Variants in GEMIN4 observed in about 807,000 individuals in gnomAD.
The protein encoded by GEMIN4 is gem-associated protein 4.
Under a neutral mutation model 76.8 loss-of-function variants are expected in GEMIN4, and 59 were observed. That is an observed-to-expected ratio of 0.77 (90% CI 0.62 to 0.95). The LOEUF (loss-of-function observed/expected upper bound fraction) is 0.95. Among genes scored for constraint, GEMIN4 ranks in the 40% least tolerant of loss-of-function variants. The probability of loss-of-function intolerance (pLI) is 0.00; values close to 1 mark genes in which losing one functional copy is unlikely to be tolerated. For missense variants in GEMIN4, 1,311 were observed against 1,318.9 expected (o/e 0.99, Z 0.09); for synonymous variants, 562 against 559.7 (o/e 1.00, Z -0.06).
rs749876277 is a variant in GEMIN4, at chr17:745,171, G to A, written c.2872C>T (p.Gln958Ter). The A allele has an allele frequency of 5.0e-6, 8 of 1,605,850 alleles. No homozygotes were observed. The Admixed American group carries it at 1.2e-4, about 24-fold the overall frequency. ...TRLLDSVRAI[Q>*]AAGPWVQGPE... is the part of the protein sequence containing the mutation. ...CCTTGAACCCAAGGGCCAGCTGCCT[G>A]TATCGCCCTGACTGAGTCCAGGAGG... The change falls in exon 2 of 2, where the codon CAG (glutamine) becomes TAG (stop). Residue 958 changes from glutamine to a stop codon, truncating the protein, a stop_gained. Transcript: ENST00000319004. LOFTEE classifies it high-confidence loss of function. The surrounding 1 kb of genome is among the most constrained non-coding windows in gnomAD (Gnocchi z 4.6).
chr17:744,799 C>G lies in GEMIN4; in HGVS notation c.*67G>C, dbSNP rs570053573. 2.7e-6 allele frequency: 4 copies of G among 1,507,330 alleles called. No individual in the cohort carries two copies. The highest frequency in any genetic ancestry group is 4.1e-5 in the Admixed American group (2 of 48,254). 93.4% of individuals were successfully genotyped at this position (1,507,330 alleles called of 1,614,324 possible). A position where few individuals can be genotyped will look rare whatever the true frequency, so the allele number is the denominator to read the frequency against. On this transcript the variant is annotated 3_prime_UTR_variant, in exon 2 of 2. Transcript: ENST00000319004. ...TGTTGAAGCCCAGCTTTTTCGCTCC[C>G]GCACAGGTAAGAAGCTGCTGATCTT... is the stretch of plus-strand genomic sequence containing the variant.
At chr17:752,659 G>T, upstream of GEMIN4, 1 of 1,010,910 alleles carries the variant, frequency 9.9e-7, no homozygotes, top group Non-Finnish European at 1.2e-6. Flanking sequence ...CCTCCAGACA[G>T]CAGCGTTCCG....
chr17:747,026 CT>C lies in GEMIN4; in HGVS notation c.1016del (p.Gln339ArgfsTer14), dbSNP rs1377743990. The C allele has an allele frequency of 1.2e-6, 2 of 1,613,296 alleles. No individual in the cohort carries two copies. Among genetic ancestry groups the C allele is most frequent in the African/African-American group, 1.3e-5 (1 of 74,892 alleles). The part of the protein sequence containing the change: ...EELQAVLRSS[Q>X]GTSYDSYRLC... ...GCCGGTAGCTGTCGTAACTTGTCCC[CT>C]GGCTGCTGCGGAGCACGGCCTGCAA... On this transcript the variant is annotated frameshift_variant, in exon 2 of 2. Transcript: ENST00000319004. LOFTEE classifies it high-confidence loss of function.
upstream of GEMIN4, chr17:752,586 C>A (rs1555600283): frequency 2.3e-6 from 2 of 868,066 alleles, no homozygotes; most frequent in South Asian, 5.3e-5. Context: ...CGCGAGGCTT[C>A]CACTCCCACC....
chr17:753,994 G>A (rs992486277), upstream of GEMIN4: 1 of 152,252 alleles, frequency 6.6e-6, no homozygotes, highest in Non-Finnish European at 1.5e-5. Flanking sequence ...AGCTTTCCGT[G>A]ATGATAATGT....
At chr17:751,270 A>G (rs1597564938) in intron 1 of GEMIN4, among the ~76,000 whole-genome samples, 1 of 152,318 alleles carries the variant, frequency 6.6e-6, no homozygotes, top group Non-Finnish European at 1.5e-5. Flanking sequence ...TGAGGCGCAG[A>G]AACGATTTGC....
At position 746,940 on chromosome 17, in the gene GEMIN4, A is replaced by T. The variant is rs1348931614; in HGVS notation, c.1103T>A (p.Leu368Gln). ...NATLYLNRTS[L>Q]SKEDRQVVSE... Reference sequence around the variant, plus strand: ...GACCACCTGCCTGTCCTCCTTGGACAGGCTGGTGCGGTTCAGGTAGAGCGT... The same window carrying T: ...GACCACCTGCCTGTCCTCCTTGGACTGGCTGGTGCGGTTCAGGTAGAGCGT... The change falls in exon 2 of 2, where the codon CTG (leucine) becomes CAG (glutamine). Residue 368 changes from leucine (L) to glutamine (Q), a missense_variant. Physicochemically the swap from Leu to Gln is moderately radical, Grantham distance 113. Around this residue, in one of 2 missense-constraint regions of GEMIN4, gnomAD observed 1,208 missense variants for 1,166.9 expected, o/e 1.04. Transcript: ENST00000319004. This position sits in a 1 kb window ranked among gnomAD's most constrained non-coding sequence, Gnocchi z 4.3. 1 of 1,613,630 alleles carries T rather than the reference A, an allele frequency of 6.2e-7. No individual in the cohort carries two copies. The highest frequency in any genetic ancestry group is 8.5e-7 in the Non-Finnish European group (1 of 1,179,846).
In GEMIN4 at chr17:745,935, T is replaced by A; in HGVS notation, c.2108A>T (p.Gln703Leu). ...GTATTTGCTGAAGCGGTCCAAGAGC[T>A]GGCACAAGCTGAAGAGGAGTGGAAA... ...SPFPLLFSLCQLLDRFSKYWQ... is the reference protein window; with the variant it reads ...SPFPLLFSLCLLLDRFSKYWQ... Residue 703 changes from glutamine to leucine, a missense_variant, in exon 2 of 2, where the codon CAG (glutamine) becomes CTG (leucine). This residue lies in a region of GEMIN4 where 1,208 missense variants were observed against 1,166.9 expected (regional missense o/e 1.04). Transcript: ENST00000319004. The surrounding 1 kb of genome is among the most constrained non-coding windows in gnomAD (Gnocchi z 4.6). 6.2e-7 allele frequency: 1 copy of A among 1,613,104 alleles called. No individual in the cohort carries two copies. Among genetic ancestry groups the A allele is most frequent in the Non-Finnish European group, 8.5e-7 (1 of 1,179,840 alleles).
chr17:747,587 A>C lies in GEMIN4; in HGVS notation c.456T>G (p.Thr152=). The C allele has an allele frequency of 4.3e-6, 7 of 1,613,942 alleles. No homozygotes were observed. Among genetic ancestry groups the C allele is most frequent in the Non-Finnish European group, 5.9e-6 (7 of 1,179,880 alleles). The part of the protein sequence containing the change: ...ERFLEHVTVD[T]SAEDVAFFLD... The stretch of plus-strand genomic sequence containing the variant: ...GGAAGAAGGCCACGTCTTCGGCAGA[A>C]GTGTCAACGGTCACATGTTCCAGAA... Residue 152 remains threonine, a synonymous_variant, in exon 2 of 2, where the codon ACT becomes ACG. Transcript: ENST00000319004.
intron 1 of GEMIN4, 78 bp downstream of exon 1, chr17:752,055 A>C: frequency 1.0e-6 from 1 of 989,438 alleles, no homozygotes; most frequent in East Asian, 3.3e-5. Context: ...GCGCGACAGG[A>C]GGAGACGCGA....
Position 745,376 on chromosome 17 carries a change from A to G in GEMIN4, c.2667T>C (p.Tyr889=). 1 of 1,613,142 alleles carries G rather than the reference A, an allele frequency of 6.2e-7. No individual in the cohort carries two copies. Residue 889 remains tyrosine (Y), a synonymous_variant, in exon 2 of 2, where the codon TAT becomes TAC. Transcript: ENST00000319004. This position sits in a 1 kb window ranked among gnomAD's most constrained non-coding sequence, Gnocchi z 4.6. ...LLEKQLLHVP[Y]SLEYIQFVPL... ...GAACAAACTGAATATATTCCAGGCT[A>G]TAAGGGACATGGAGGAGCTGCTTCT...
At chr17:749,459 T>C (rs556640768) in intron 1 of GEMIN4, 73 of 133,388 alleles carry the variant, frequency 5.5e-4, no homozygotes, top group African/African-American at 2.5e-3. Context: ...GGCTACAGGA[T>C]AATGGGCACA....
At chr17:749,841 T>TA in intron 1 of GEMIN4, 2 of 993,812 alleles carry the variant, frequency 2.0e-6, no homozygotes, top group Non-Finnish European at 2.4e-6. Context: ...AACATTCTTC[T>TA]AGCTTTCAGG....
intron 1 of GEMIN4, chr17:751,921 C>T (rs186745340): frequency 2.6e-6 from 1 of 383,876 alleles, no homozygotes; most frequent in Non-Finnish European, 4.6e-6. Flanking sequence ...GCGCAGGGGG[C>T]CGGAGGCGGC....
In GEMIN4 at chr17:746,710, T is replaced by C. The variant is rs1359185513; in HGVS notation, c.1333A>G (p.Arg445Gly). 19 of 1,613,498 alleles carry C rather than the reference T, an allele frequency of 1.2e-5. No individual in the cohort carries two copies. Among genetic ancestry groups the C allele is most frequent in the East Asian group, 2.2e-5 (1 of 44,886 alleles). The change falls in exon 2 of 2, where the codon AGG becomes GGG. Residue 445 changes from arginine (R) to glycine (G), a missense_variant. This residue lies in a region of GEMIN4 where 1,208 missense variants were observed against 1,166.9 expected (regional missense o/e 1.04). Coordinates refer to ENST00000319004, the MANE Select transcript of GEMIN4 (RefSeq NM_015721.3). This position sits in a 1 kb window ranked among gnomAD's most constrained non-coding sequence, Gnocchi z 4.3. ...AAGTCTGGCTGTCGGAAGAGGGCCC[T>C]GTTACTCCCCAGGCAGGCTACCCAC... ...DEWVACLGSNRALFRQPDLVL... is the reference protein window; with the variant it reads ...DEWVACLGSNGALFRQPDLVL...
At chr17:751,950 C>T in intron 1 of GEMIN4, 183 bp downstream of exon 1, 2 of 396,146 alleles carry the variant, frequency 5.0e-6, no homozygotes, top group Non-Finnish European at 4.4e-6. Context: ...GCCCAACGCG[C>T]GGCGGGACCC....
rs1260269862 is a variant in GEMIN4, at chr17:747,939, G to A, written c.104C>T (p.Thr35Ile). The change falls in exon 2 of 2, where the codon ACA (threonine) becomes ATA (isoleucine). Residue 35 changes from threonine to isoleucine, a missense_variant. Transcript: ENST00000319004. ...TCCAACACGTTCCCAGTCAGACTTTGTTAATTCTGCCAGTGCCTTAGGGTG... is the reference window on the plus strand; with the variant it reads ...TCCAACACGTTCCCAGTCAGACTTTATTAATTCTGCCAGTGCCTTAGGGTG... ...LFHPKALAEL[T>I]KSDWERVGRP... 6.2e-7 allele frequency: 1 copy of A among 1,613,574 alleles called. No homozygotes were observed. Among genetic ancestry groups the A allele is most frequent in the African/African-American group, 1.3e-5 (1 of 74,926 alleles).
Position 744,674 on chromosome 17 carries a change from A to G in GEMIN4, c.*192T>C, listed in dbSNP as rs1974318152. ...GTTTGTACGTTACAAATACCCAAGA[A>G]ACTATTTTCTTTACACCATTATTGC... On this transcript the variant is annotated 3_prime_UTR_variant, in exon 2 of 2. Coordinates refer to ENST00000319004, the MANE Select transcript of GEMIN4 (RefSeq NM_015721.3). The G allele has an allele frequency of 2.6e-5, 15 of 566,992 alleles. No individual in the cohort carries two copies. In the South Asian group the frequency reaches 4.1e-4, roughly 16 times the overall value. The allele number at this position is 566,992 out of a possible 1,614,324, so 35.1% of individuals were successfully genotyped here. A position where few individuals can be genotyped will look rare whatever the true frequency, so the allele number is the denominator to read the frequency against.
rs373257688 is a variant in GEMIN4, at chr17:745,211, A to G, written c.2832T>C (p.Cys944=). 563 of 1,608,424 alleles carry G rather than the reference A, an allele frequency of 3.5e-4. No homozygotes were observed. The highest frequency in any genetic ancestry group is 4.2e-4 in the Non-Finnish European group (497 of 1,177,852). The stretch of plus-strand genomic sequence containing the variant: ...AGTCCAGGAGGCGGGTCAGACTGCC[A>G]CAGAGGAGTTTGACCACGTGGTTCC... ...EGWNHVVKLL[C]GSLTRLLDSV... Residue 944 remains cysteine (C), a synonymous_variant, in exon 2 of 2, where the codon TGT becomes TGC. Coordinates refer to ENST00000319004, the MANE Select transcript of GEMIN4 (RefSeq NM_015721.3). The surrounding 1 kb of genome is among the most constrained non-coding windows in gnomAD (Gnocchi z 4.6).
Sources: gnomAD v4.1 joint callset for allele counts (sites outside exome capture counted in the v4.1 genomes callset) on GRCh38, gnomAD v4.1.1 for gene constraint, gnomAD v4.1.1 regional missense constraint, Gnocchi (gnomAD v3.1) non-coding constraint, MANE v1.5 for transcripts, NCBI Gene and HGNC (gene_info 2026-07-23, HGNC 2026-07-21) for gene names.